TLN2: variants seen among roughly 807,000 people sequenced by gnomAD.
The protein encoded by TLN2 is talin-2.
A neutral mutation model predicts 294.7 loss-of-function variants in TLN2; 118 were observed. The observed-to-expected ratio is 0.40, with a 90% CI of 0.34 to 0.47. The LOEUF (loss-of-function observed/expected upper bound fraction) is 0.47, where lower values mean the gene tolerates loss of function less well. TLN2 is among the 20% of genes least tolerant of loss of function. The probability of loss-of-function intolerance (pLI) is 0.84; values close to 1 mark genes in which losing one functional copy is unlikely to be tolerated. For synonymous variants in TLN2, 1,431 were observed against 1,304.5 expected, an observed-to-expected ratio of 1.10 and a Z score of -2.09; for missense variants, 3,083 against 3,282.2, an observed-to-expected ratio of 0.94 and a Z score of 1.48.
chr15:62,746,444 C>A (rs1269430514), intron 32 of TLN2, among the ~76,000 whole-genome samples: 2 of 152,096 alleles, frequency 1.3e-5, no homozygotes, highest in Non-Finnish European at 2.9e-5. Flanking sequence ...CCAGTGACAC[C>A]CTAATTAAAT....
At chr15:62,829,183 A>T (rs1179904552) in intron 54 of TLN2, 2 of 148,572 alleles carry the variant, frequency 1.3e-5, no homozygotes, top group Admixed American at 6.7e-5. Flanking sequence ...TTATATATAT[A>T]TAATACATGA....
intron 1 of TLN2, among the ~76,000 whole-genome samples, chr15:62,538,245 A>T (rs865870119): frequency 6.6e-6 from 1 of 152,050 alleles, no homozygotes; most frequent in African/African-American, 2.4e-5. Flanking sequence ...ACACACAAAA[A>T]CACCAGCCTT....
intron 1 of TLN2, among the ~76,000 whole-genome samples, chr15:62,517,391 A>G (rs2140464222): frequency 6.6e-6 from 1 of 152,336 alleles, no homozygotes; most frequent in African/African-American, 2.4e-5. Flanking sequence ...TTGAAAAATA[A>G]CTGAGTTAAA....
chr15:62,800,234 C>T, intron 48 of TLN2, 134 bp from the exon 49 acceptor site: 1 of 1,406,642 alleles, frequency 7.1e-7, no homozygotes, highest in Non-Finnish European at 9.5e-7. Context: ...CCCAGGAGGT[C>T]TGCCATGCTG....
intron 1 of TLN2, among the ~76,000 whole-genome samples, chr15:62,484,140 A>T (rs1231605592): frequency 6.6e-6 from 1 of 152,152 alleles, no homozygotes; most frequent in African/African-American, 2.4e-5. Context: ...GTAGGATCAG[A>T]GGAAGGACAA....
At chr15:62,448,080 C>T (rs116211301) in intron 1 of TLN2, among the ~76,000 whole-genome samples, 7 of 152,316 alleles carry the variant, frequency 4.6e-5, no homozygotes, top group South Asian at 2.1e-4. Flanking sequence ...CAGGCCCCAA[C>T]GCCTTGGATT....
chr15:62,484,104 G>A (rs1446708215), intron 1 of TLN2, among the ~76,000 whole-genome samples: 1 of 152,162 alleles, frequency 6.6e-6, no homozygotes, highest in Non-Finnish European at 1.5e-5. Context: ...GGATGACTGG[G>A]ATCTGGAAGG....
intron 1 of TLN2, among the ~76,000 whole-genome samples, chr15:62,550,279 G>A (rs2042223154): frequency 6.6e-6 from 1 of 152,114 alleles, no homozygotes; most frequent in Non-Finnish European, 1.5e-5. Flanking sequence ...TTTTTGCAGA[G>A]ATGAGCTAAA....
intron 1 of TLN2, among the ~76,000 whole-genome samples, chr15:62,398,197 G>C (rs1441494981): frequency 2.0e-5 from 3 of 152,154 alleles, no homozygotes; most frequent in Admixed American, 2.0e-4. Context: ...ATGATAGTGA[G>C]TGAGATCTCA....
chr15:62,520,067 T>G (rs1440059799), intron 1 of TLN2, among the ~76,000 whole-genome samples: 7 of 152,194 alleles, frequency 4.6e-5, no homozygotes, highest in African/African-American at 1.7e-4. Flanking sequence ...TCAGATCTTG[T>G]GAGACTTATT....
chr15:62,823,839 G>T, intron 54 of TLN2: 1 of 419,424 alleles, frequency 2.4e-6, no homozygotes. Context: ...CACATCTGCA[G>T]GCAGACTTGT....
At chr15:62,667,455 A>G (rs2140988703) in intron 9 of TLN2, among the ~76,000 whole-genome samples, 2 of 152,094 alleles carry the variant, frequency 1.3e-5, no homozygotes, top group African/African-American at 2.4e-5. Context: ...TACCTCCACC[A>G]TCCCTCCCCT....
At position 62,740,686 on chromosome 15, in the gene TLN2, C is replaced by T; in HGVS notation, c.3942C>T (p.Ser1314=). The T allele has an allele frequency of 5.6e-6, 9 of 1,614,194 alleles. No homozygotes were observed. The highest frequency in any genetic ancestry group is 7.6e-6 in the Non-Finnish European group (9 of 1,180,044). Residue 1314 remains serine (S), a synonymous_variant, in exon 32 of 59, where the codon TCC becomes TCT. Transcript: ENST00000636159. ...ACCTCAAGAATATCTCGATGGCATC[C>T]AGCAAGCTGCTGTTAGCTGCCAAGT... ...IGNLKNISMA[S]SKLLLAAKSL... is the part of the protein sequence containing the mutation.
chr15:62,780,005 CT>C (rs1366769674), intron 43 of TLN2, among the ~76,000 whole-genome samples: 1 of 152,234 alleles, frequency 6.6e-6, no homozygotes, highest in African/African-American at 2.4e-5. Flanking sequence ...ATCTCTGACT[CT>C]GAACTTTATG....
At chr15:62,596,767 A>G (rs2046561237) in intron 2 of TLN2, among the ~76,000 whole-genome samples, 1 of 152,108 alleles carries the variant, frequency 6.6e-6, no homozygotes, top group Admixed American at 6.5e-5. Context: ...AATAATAACT[A>G]TGAATTTTAA....
At chr15:62,709,883 TG>T (rs1458882783) in intron 21 of TLN2, among the ~76,000 whole-genome samples, 1 of 151,948 alleles carries the variant, frequency 6.6e-6, no homozygotes, top group Non-Finnish European at 1.5e-5. Flanking sequence ...TACAGGCGCC[TG>T]CCATGATGCC....
At chr15:62,738,362 A>G in intron 30 of TLN2, 29 bp downstream of exon 30, 1 of 1,612,510 alleles carries the variant, frequency 6.2e-7, no homozygotes, top group Admixed American at 1.7e-5. Flanking sequence ...GAGAAAGGAC[A>G]CTGGGGGACT....
In TLN2 at chr15:62,415,031, C is replaced by T. The variant is rs1412489009; in HGVS notation, c.-238+24346C>T. On this transcript the variant is annotated intron_variant, in intron 1 of 58. Coordinates refer to ENST00000636159, the MANE Select transcript of TLN2 (RefSeq NM_015059.3). The stretch of plus-strand genomic sequence containing the variant: ...GGTTCAAGCAATTCTGCCTCAGCCC[C>T]CCGAGTAGCTGGGATTACAGGCGTG... Among the ~76,000 whole-genome samples the T allele has an allele frequency of 2.8e-5, 4 of 140,992 alleles. 1 individual carries two copies. Among genetic ancestry groups the T allele is most frequent in the Admixed American group, 1.5e-4 (2 of 12,992 alleles). The allele number at this position is 140,992 out of a possible 152,430, so 92.5% of individuals were successfully genotyped here.
intron 19 of TLN2, 133 bp from the exon 20 acceptor site, chr15:62,706,953 T>A: frequency 8.9e-7 from 1 of 1,126,132 alleles, no homozygotes; most frequent in South Asian, 2.0e-5. Context: ...AGTTGACATT[T>A]CAAAAAAAAG....
Sources: gnomAD v4.1 joint callset for allele counts (sites outside exome capture counted in the v4.1 genomes callset) on GRCh38, gnomAD v4.1.1 for gene constraint, MANE v1.5 for transcripts, NCBI Gene and HGNC (gene_info 2026-07-23, HGNC 2026-07-21) for gene names.